Variants in FAM161B observed in about 807,000 individuals in gnomAD.
FAM161B encodes FAM161 centrosomal protein B.
Under a neutral mutation model 61.5 loss-of-function variants are expected in FAM161B, and 46 were observed. The ratio of observed to expected loss-of-function variants is 0.75; its 90% CI spans 0.59 to 0.96. The LOEUF is 0.96. Ranked by LOEUF, FAM161B falls within the 40% of genes least tolerant of loss-of-function variation. FAM161B has a pLI of 0.00. For missense variants in FAM161B, 774 were observed against 800.7 expected (o/e 0.97, Z 0.40); for synonymous variants, 284 against 302.7 (o/e 0.94, Z 0.64).
chr14:73,924,573 C>A, the FAM161B span: 1 of 370,642 alleles, frequency 2.7e-6, no homozygotes, highest in Admixed American at 3.5e-5. Context: ...GACTTCATCA[C>A]GAGCACATTT....
Position 73,942,530 on chromosome 14 carries a change from C to T in FAM161B, c.1111G>A (p.Val371Met), listed in dbSNP as rs1302156618. 6.2e-7 allele frequency: 1 copy of T among 1,614,082 alleles called. No individual in the cohort carries two copies. Among genetic ancestry groups the T allele is most frequent in the Non-Finnish European group, 8.5e-7 (1 of 1,180,052 alleles). ...TAAAGGCCCTCATAGTCAGGGACCA[C>T]AGGATTCACCCGAGGCTGGAATCTG... The part of the protein sequence containing the change: ...NFRFQPRVNP[V>M]VPDYEGLYKA... Residue 371 changes from valine (V) to methionine (M), a missense_variant, in exon 4 of 9, where the codon GTG becomes ATG. Physicochemically the swap from Val to Met is conservative, Grantham distance 21. Coordinates refer to ENST00000286544, the MANE Select transcript of FAM161B (RefSeq NM_152445.3).
rs2055982063 is a variant in FAM161B, at chr14:73,937,717, CTTTTAGAAAGAA to C, written c.1566-28_1566-17del. On this transcript the variant is annotated splice_polypyrimidine_tract_variant and intron_variant, in intron 6 of 8. Transcript: ENST00000286544. Reference sequence around the variant, plus strand: ...GTCATTGTTCCTGGAATTAGCAAGACTTTTAGAAAGAATTTCATCTTTTCTAATCCAGAATAC... The same window carrying C: ...GTCATTGTTCCTGGAATTAGCAAGACTTTCATCTTTTCTAATCCAGAATAC... The C allele has an allele frequency of 6.2e-7, 1 of 1,610,070 alleles. No homozygotes were observed. The highest frequency in any genetic ancestry group is 1.7e-5 in the Admixed American group (1 of 59,258).
intron 2 of FAM161B, among the ~76,000 whole-genome samples, chr14:73,945,933 G>A (rs933846923): frequency 2.6e-5 from 4 of 151,888 alleles, no homozygotes; most frequent in African/African-American, 9.7e-5. Flanking sequence ...GTAGAGATGG[G>A]GTTTCACCAT....
At chr14:73,944,057 C>G (rs2056041713) in intron 3 of FAM161B, among the ~76,000 whole-genome samples, 1 of 152,200 alleles carries the variant, frequency 6.6e-6, no homozygotes, top group South Asian at 2.1e-4. Flanking sequence ...ATTCCTGCAC[C>G]TGTGCTGGTG....
At chr14:73,941,109 T>TTA in intron 4 of FAM161B, 56 bp from the exon 5 acceptor site, 1 of 83,002 alleles carries the variant, frequency 1.2e-5, no homozygotes, top group Non-Finnish European at 1.8e-5. Flanking sequence ...AGTTTCTATC[T>TTA]TTTTTTTTTT....
chr14:73,937,979 C>T lies in FAM161B; in HGVS notation c.1534G>A (p.Glu512Lys). The T allele has an allele frequency of 1.9e-6, 3 of 1,614,238 alleles. No individual in the cohort carries two copies. Among genetic ancestry groups the T allele is most frequent in the Non-Finnish European group, 2.5e-6 (3 of 1,180,042 alleles). Reference sequence around the variant, plus strand: ...TCTTTCAGCTTTGCTTTGAACACTTCCTCCAGGCTTTTATGGGGATCCATG... The same window carrying T: ...TCTTTCAGCTTTGCTTTGAACACTTTCTCCAGGCTTTTATGGGGATCCATG... Reference protein sequence around the residue: ...KAMDPHKSLEEVFKAKLKENR... With the variant: ...KAMDPHKSLEKVFKAKLKENR... Residue 512 changes from glutamate (E) to lysine (K), a missense_variant, in exon 6 of 9, where the codon GAA becomes AAA. Transcript: ENST00000286544.
In FAM161B at chr14:73,944,520, T is replaced by C. The variant is rs575305902; in HGVS notation, c.740A>G (p.Lys247Arg). 1 of 1,614,140 alleles carries C rather than the reference T, an allele frequency of 6.2e-7. No homozygotes were observed. The highest frequency in any genetic ancestry group is 1.3e-5 in the African/African-American group (1 of 75,038). ...SEARRQAGIQ[K>R]RKELLLSSLK... is the part of the protein sequence containing the mutation. ...AGAAGAGAGGAGCAGTTCCTTCCTC[T>C]TCTGGATCCCTGCCTGCCTTCGGGC... The change falls in exon 3 of 9, where the codon AAG (lysine) becomes AGG (arginine). Residue 247 changes from lysine (K) to arginine (R), a missense_variant. Transcript: ENST00000286544.
In FAM161B at chr14:73,934,365, C is replaced by T; in HGVS notation, c.1835G>A (p.Arg612Lys). The change falls in exon 9 of 9, where the codon AGA becomes AAA. Residue 612 changes from arginine (R) to lysine (K), a missense_variant. Arg to Lys is a conservative substitution (Grantham distance 26, BLOSUM62 2). Coordinates refer to ENST00000286544, the MANE Select transcript of FAM161B (RefSeq NM_152445.3). ...TCCTTCTAAACCCTGCTCTGGATCT[C>T]TGATGCTGAGTTTTGTAGTTTCTTG... is the stretch of plus-strand genomic sequence containing the variant. ...RFQETTKLSIRDPEQGLEGSL... is the reference protein window; with the variant it reads ...RFQETTKLSIKDPEQGLEGSL... 6.2e-7 allele frequency: 1 copy of T among 1,612,856 alleles called. No homozygotes were observed. Among genetic ancestry groups the T allele is most frequent in the Non-Finnish European group, 8.5e-7 (1 of 1,179,698 alleles).
intron 2 of FAM161B, among the ~76,000 whole-genome samples, chr14:73,945,260 T>C (rs2056056665): frequency 1.3e-5 from 2 of 152,174 alleles, no homozygotes; most frequent in Non-Finnish European, 2.9e-5. Flanking sequence ...AATGTCTACT[T>C]ACCAGGTTAT....
At chr14:73,929,048 G>A (rs1594770862), downstream of FAM161B, among the ~76,000 whole-genome samples, 1 of 152,130 alleles carries the variant, frequency 6.6e-6, no homozygotes, top group African/African-American at 2.4e-5. Context: ...AACACAAAAG[G>A]GAAAGTGCTG....
In FAM161B at chr14:73,933,466, C is replaced by A. The variant is rs1366127644; in HGVS notation, c.*790G>T. On this transcript the variant is annotated 3_prime_UTR_variant, in exon 9 of 9. Transcript: ENST00000286544. ...GTTTTTCATCCCCCATGGGCTAGAT[C>A]TGATATGCAGATGTATTTTATTTTG... The A allele has an allele frequency of 6.6e-6, 1 of 152,242 alleles. No homozygotes were observed. Among genetic ancestry groups the A allele is most frequent in the African/African-American group, 2.4e-5 (1 of 41,470 alleles). The allele number at this position is 152,242 out of a possible 1,614,324, so 9.4% of individuals were successfully genotyped here.
At chr14:73,923,279 G>A in the FAM161B span, 6 of 1,173,384 alleles carry the variant, frequency 5.1e-6, no homozygotes, top group East Asian at 1.6e-4. Flanking sequence ...AAGAAATAGA[G>A]GAATGTGGGA....
At chr14:73,944,913 A>G in intron 2 of FAM161B, 28 bp from the exon 3 acceptor site, 2 of 1,489,046 alleles carry the variant, frequency 1.3e-6, no homozygotes, top group South Asian at 1.4e-5. Flanking sequence ...CTGTGAGTGG[A>G]GGACAGGGCA....
Position 73,946,273 on chromosome 14 carries a change from T to G in FAM161B, c.374+13A>C. 6.2e-7 allele frequency: 1 copy of G among 1,606,726 alleles called. No homozygotes were observed. Among genetic ancestry groups the G allele is most frequent in the Non-Finnish European group, 8.5e-7 (1 of 1,175,140 alleles). ...GTGTGGAGTGAGGCAGCCGTGGAGCTGCAGTGCCTTACCTCAGAGCCTGCG... is the reference window on the plus strand; with the variant it reads ...GTGTGGAGTGAGGCAGCCGTGGAGCGGCAGTGCCTTACCTCAGAGCCTGCG... On this transcript the variant is annotated intron_variant, in intron 2 of 8. Coordinates refer to ENST00000286544, the MANE Select transcript of FAM161B (RefSeq NM_152445.3).
chr14:73,949,528 T>TG (rs1328836746), intron 1 of FAM161B, among the ~76,000 whole-genome samples: 1 of 149,678 alleles, frequency 6.7e-6, no homozygotes, highest in Non-Finnish European at 1.5e-5. Context: ...AATTTTTTTT[T>TG]TTTTTTTAAA....
chr14:73,941,761 G>A (rs1000841175), intron 4 of FAM161B, among the ~76,000 whole-genome samples: 4 of 152,020 alleles, frequency 2.6e-5, no homozygotes, highest in Admixed American at 2.0e-4. Flanking sequence ...GCTGGCCTGC[G>A]GTGGCACAAT....
chr14:73,946,672 A>G, intron 1 of FAM161B, 67 bp from the exon 2 acceptor site: 2 of 1,524,738 alleles, frequency 1.3e-6, no homozygotes, highest in Non-Finnish European at 1.8e-6. Context: ...TCATAACTTA[A>G]TTTCGCTTTG....
chr14:73,931,436 T>A, downstream of FAM161B: 3 of 1,427,988 alleles, frequency 2.1e-6, no homozygotes, highest in Admixed American at 5.3e-5. Context: ...TAATACTTTT[T>A]ACTATGAATT....
Position 73,950,070 on chromosome 14 carries a change from C to T in FAM161B, c.-44G>A. ...GCAGCGACAGTGACAGCGATAGTGG[C>T]AGCAGCGGTGGCAGCGAGAGCTATG... On this transcript the variant is annotated 5_prime_UTR_variant, in exon 1 of 9. Coordinates refer to ENST00000286544, the MANE Select transcript of FAM161B (RefSeq NM_152445.3). 1 of 1,606,878 alleles carries T rather than the reference C, an allele frequency of 6.2e-7. No individual in the cohort carries two copies.
Sources: gnomAD v4.1 joint callset for allele counts (sites outside exome capture counted in the v4.1 genomes callset) on GRCh38, gnomAD v4.1.1 for gene constraint, MANE v1.5 for transcripts, NCBI Gene and HGNC (gene_info 2026-07-23, HGNC 2026-07-21) for gene names.